Variants in TPST1 observed in about 807,000 individuals in gnomAD.
TPST1 encodes tyrosylprotein sulfotransferase 1.
TPST1 carries 20 observed loss-of-function variants against 34.8 expected under a neutral mutation model. The observed-to-expected ratio is 0.57, with a 90% CI of 0.40 to 0.84. TPST1 has a LOEUF of 0.84. Ranked by LOEUF, TPST1 falls within the 40% of genes least tolerant of loss-of-function variation. The pLI, the probability that TPST1 is intolerant of heterozygous loss-of-function variation, is 0.00. For missense variants in TPST1, 353 were observed against 455.5 expected (o/e 0.78, Z 2.05); for synonymous variants, 152 against 159.4 (o/e 0.95, Z 0.35).
chr7:66,346,311 T>G (rs1792351680), intron 3 of TPST1, among the ~76,000 whole-genome samples: 1 of 152,274 alleles, frequency 6.6e-6, no homozygotes, highest in South Asian at 2.1e-4. Flanking sequence ...ATCTCCTTGA[T>G]TTACTGATTT....
chr7:66,252,338 T>C (rs921613880), intron 2 of TPST1, among the ~76,000 whole-genome samples: 1 of 138,002 alleles, frequency 7.2e-6, no homozygotes, highest in African/African-American at 2.7e-5. Flanking sequence ...GATTACAGGC[T>C]TGAGCCACCG....
intron 2 of TPST1, among the ~76,000 whole-genome samples, chr7:66,278,364 A>G (rs886747202): frequency 1.3e-5 from 2 of 152,070 alleles, no homozygotes; most frequent in Admixed American, 1.3e-4. Flanking sequence ...CGTGCGGGTA[A>G]GGTAGACTTT....
chr7:66,344,275 G>A (rs1792297946), intron 3 of TPST1: 1 of 151,976 alleles, frequency 6.6e-6, no homozygotes, highest in African/African-American at 2.4e-5. Flanking sequence ...CAAAAACTGT[G>A]GGACAGTTAC....
At chr7:66,347,393 A>G (rs1468848120) in intron 3 of TPST1, among the ~76,000 whole-genome samples, 1 of 152,016 alleles carries the variant, frequency 6.6e-6, no homozygotes, top group East Asian at 1.9e-4. Flanking sequence ...TCTACTACAT[A>G]TGGATATCCA....
At chr7:66,275,494 G>A (rs920371462) in intron 2 of TPST1, among the ~76,000 whole-genome samples, 9 of 152,166 alleles carry the variant, frequency 5.9e-5, no homozygotes, top group African/African-American at 2.2e-4. Context: ...CAGATGAATG[G>A]ATAAAAAGAA....
intron 2 of TPST1, among the ~76,000 whole-genome samples, chr7:66,258,534 G>A (rs1790424317): frequency 6.6e-6 from 1 of 152,168 alleles, no homozygotes; most frequent in Non-Finnish European, 1.5e-5. Flanking sequence ...TAGAAGTTGT[G>A]CTGGTTCATG....
chr7:66,270,264 AT>A, intron 2 of TPST1, among the ~76,000 whole-genome samples: 1 of 152,306 alleles, frequency 6.6e-6, no homozygotes, highest in Middle Eastern at 3.4e-3. Flanking sequence ...AGGTCAGGTT[AT>A]TTTATGTGGG....
At chr7:66,246,628 G>A (rs1199766090) in intron 2 of TPST1, among the ~76,000 whole-genome samples, 2 of 152,202 alleles carry the variant, frequency 1.3e-5, no homozygotes, top group Non-Finnish European at 2.9e-5. Context: ...TCTACAAATA[G>A]TAGAGATCCA....
intron 3 of TPST1, among the ~76,000 whole-genome samples, chr7:66,303,062 A>G (rs1791349437): frequency 6.6e-6 from 1 of 152,206 alleles, no homozygotes; most frequent in South Asian, 2.1e-4. Flanking sequence ...AACTCACATG[A>G]CACCTCTTCT....
chr7:66,220,315 A>G (rs1236583454), intron 1 of TPST1, among the ~76,000 whole-genome samples: 2 of 152,170 alleles, frequency 1.3e-5, no homozygotes, highest in Non-Finnish European at 2.9e-5. Flanking sequence ...AACTAATTAT[A>G]CTTATAGAAT....
chr7:66,203,233 AATT>A (rs1789050598), upstream of TPST1, among the ~76,000 whole-genome samples: 1 of 151,532 alleles, frequency 6.6e-6, no homozygotes, highest in Admixed American at 6.6e-5. Flanking sequence ...ACATATATAT[AATT>A]ATTATTTTTT....
intron 1 of TPST1, among the ~76,000 whole-genome samples, chr7:66,227,558 G>A (rs1173099168): frequency 1.3e-5 from 2 of 151,916 alleles, no homozygotes; most frequent in Non-Finnish European, 2.9e-5. Context: ...CAGTCCTTTT[G>A]TTTTATAAAA....
At chr7:66,335,458 A>G (rs1427426383) in intron 3 of TPST1, among the ~76,000 whole-genome samples, 1 of 152,108 alleles carries the variant, frequency 6.6e-6, no homozygotes, top group Admixed American at 6.6e-5. Context: ...GTGTCTCAAA[A>G]AAAAAAAAAA....
chr7:66,248,568 A>G lies in TPST1; in HGVS notation c.845+7298A>G, dbSNP rs778160442. On this transcript the variant is annotated intron_variant, in intron 2 of 5. Coordinates refer to ENST00000304842, the MANE Select transcript of TPST1 (RefSeq NM_003596.4). ...TTCTGGGCTGGAGTGCAATGGCATG[A>G]TCTCGGCTCACTGCAACCTCTGCCT... Among the ~76,000 whole-genome samples the G allele has an allele frequency of 2.1e-3, 286 of 138,356 alleles. 2 individuals are homozygous for G. Among genetic ancestry groups the G allele is most frequent in the Non-Finnish European group, 3.0e-3 (196 of 66,366 alleles). 90.8% of individuals were successfully genotyped at this position (138,356 alleles called of 152,430 possible).
intron 1 of TPST1, among the ~76,000 whole-genome samples, chr7:66,212,570 C>CT (rs1789286924): frequency 6.6e-6 from 1 of 151,766 alleles, no homozygotes; most frequent in Admixed American, 6.6e-5. Context: ...AGAGATTCTC[C>CT]TGCCTCAGCC....
chr7:66,215,057 A>T lies in TPST1; in HGVS notation c.-102+9535A>T, dbSNP rs574686770. ...AATCTATATTATATTAAATATATTT[A>T]TATATATATGTTTTTTGAGATGGAG... On this transcript the variant is annotated intron_variant, in intron 1 of 5. Coordinates refer to ENST00000304842, the MANE Select transcript of TPST1 (RefSeq NM_003596.4). Among the ~76,000 whole-genome samples, 274 of 147,004 alleles carry T rather than the reference A, an allele frequency of 1.9e-3. 9 individuals are homozygous for T. Among genetic ancestry groups the T allele is most frequent in the Admixed American group, 0.015 (223 of 14,512 alleles).
At position 66,293,373 on chromosome 7, in the gene TPST1, C is replaced by T. The variant is rs184829702; in HGVS notation, c.1044+6664C>T. On this transcript the variant is annotated intron_variant, in intron 3 of 5. Coordinates refer to ENST00000304842, the MANE Select transcript of TPST1 (RefSeq NM_003596.4). ...TAAAAATTATCCAGGCATGGTGGCA[C>T]ATGACTCTAGTCCCAGCTACTTGGG... Among the ~76,000 whole-genome samples, 64 of 151,668 alleles carry T rather than the reference C, an allele frequency of 4.2e-4. No homozygotes were observed. The East Asian group carries it at 9.3e-3, about 22-fold the overall frequency.
At chr7:66,222,619 A>G (rs1789567945) in intron 1 of TPST1, among the ~76,000 whole-genome samples, 1 of 152,056 alleles carries the variant, frequency 6.6e-6, no homozygotes, top group African/African-American at 2.4e-5. Flanking sequence ...GACTGAGGAG[A>G]TATGTGTAAA....
chr7:66,307,311 G>A (rs1040787122), intron 3 of TPST1, among the ~76,000 whole-genome samples: 2 of 151,488 alleles, frequency 1.3e-5, no homozygotes, highest in South Asian at 4.2e-4. Context: ...GTAGAGACGG[G>A]GTTTCACCGT....
Sources: allele counts gnomAD v4.1 joint callset (sites outside exome capture counted in the v4.1 genomes callset), GRCh38; gene constraint gnomAD v4.1.1; transcripts MANE v1.5; gene names NCBI Gene and HGNC (gene_info 2026-07-23, HGNC 2026-07-21).